The following CHST10 variants were observed in gnomAD, a reference collection of about 807,000 sequenced individuals.
The protein encoded by CHST10 is HNK-1 sulfotransferase.
CHST10 carries 24 observed loss-of-function variants against 34.7 expected under a neutral mutation model. The ratio of observed to expected loss-of-function variants is 0.69; its 90% CI spans 0.50 to 0.97. CHST10 has a LOEUF of 0.97. CHST10 is among the 50% of genes least tolerant of loss of function. The probability of loss-of-function intolerance (pLI) is 0.00; values close to 1 mark genes in which losing one functional copy is unlikely to be tolerated. For missense variants in CHST10, 402 were observed against 452.1 expected, an observed-to-expected ratio of 0.89 and a Z score of 1.00; for synonymous variants, 161 against 169.3, an observed-to-expected ratio of 0.95 and a Z score of 0.38.
At chr2:100,406,773 A>ACAAC in intron 2 of CHST10, 66 bp from the exon 3 acceptor site, 1 of 1,327,256 alleles carries the variant, frequency 7.5e-7, no homozygotes, top group Non-Finnish European at 1.0e-6. Context: ...GAGGAATGAA[A>ACAAC]ACGACAGGTG....
rs1324974796 is a variant in CHST10, at chr2:100,406,613, A to G, written c.63T>C (p.Ala21=). Residue 21 remains alanine (A), a synonymous_variant, in exon 3 of 7, where the codon GCT becomes GCC. Transcript: ENST00000264249. The part of the protein sequence containing the change: ...CFWVIFMFMV[A]SKFITLTFKD... ...TAAAGGTCAACGTGATGAACTTGCT[A>G]GCCACCATGAACATGAAAATCACCC... 2 of 1,614,120 alleles carry G rather than the reference A, an allele frequency of 1.2e-6. No homozygotes were observed. The highest frequency in any genetic ancestry group is 1.3e-5 in the African/African-American group (1 of 74,932).
chr2:100,416,688 AAACAACAAC>A (rs140248946), intron 1 of CHST10: 3 of 324,598 alleles, frequency 9.2e-6, no homozygotes, highest in East Asian at 1.5e-4. Flanking sequence ...TTTTCAGACA[AAACAACAAC>A]AACAACAACA....
In CHST10 at chr2:100,415,062, ATTTCCTTGCTGTG is replaced by A. The variant is rs773405595; in HGVS notation, c.-67_-55del. 5.8e-5 allele frequency: 75 copies of A among 1,303,458 alleles called. No homozygotes were observed. The highest frequency in any genetic ancestry group is 7.2e-5 in the Non-Finnish European group (71 of 988,644). 80.7% of individuals were successfully genotyped at this position (1,303,458 alleles called of 1,614,324 possible). ...GTACCTTCTGCAGCCTGGGGCTCACATTTCCTTGCTGTGTTTCCCCTGAACTGAGGTTCTTGGT... is the reference window on the plus strand; with the variant it reads ...GTACCTTCTGCAGCCTGGGGCTCACATTTCCCCTGAACTGAGGTTCTTGGT... On this transcript the variant is annotated 5_prime_UTR_variant, in exon 2 of 7. In the 5' UTR this introduces an upstream ATG that the reference lacks. Coordinates refer to ENST00000264249, the MANE Select transcript of CHST10 (RefSeq NM_004854.5).
At chr2:100,408,301 C>T (rs1306409024) in intron 2 of CHST10, 1 of 152,184 alleles carries the variant, frequency 6.6e-6, no homozygotes, top group Non-Finnish European at 1.5e-5. Context: ...TGTCCTGTCT[C>T]CTGTCTCCAT....
Position 100,413,384 on chromosome 2 carries a change from T to G in CHST10, c.-33+1657A>C, listed in dbSNP as rs543302523. Among the ~76,000 whole-genome samples, 10 of 152,258 alleles carry G rather than the reference T, an allele frequency of 6.6e-5. No individual in the cohort carries two copies. The East Asian group carries it at 1.9e-3, about 29-fold the overall frequency. On this transcript the variant is annotated intron_variant, in intron 2 of 6. Transcript: ENST00000264249. Reference sequence around the variant, plus strand: ...TCAGAGCTTTCCTACTTCCAGTCATTAAATGGGATTTTCACAAGTCAAGAT... The same window carrying G: ...TCAGAGCTTTCCTACTTCCAGTCATGAAATGGGATTTTCACAAGTCAAGAT...
intron 6 of CHST10, among the ~76,000 whole-genome samples, chr2:100,395,074 G>T (rs549272816): frequency 2.6e-5 from 4 of 152,262 alleles, no homozygotes; most frequent in African/African-American, 7.2e-5. Flanking sequence ...GCCCATGCTG[G>T]ATGCAGCCCA....
rs1166614875 is a variant in CHST10, at chr2:100,393,194, C to G, written c.*51G>C. 1 of 1,575,344 alleles carries G rather than the reference C, an allele frequency of 6.3e-7. No homozygotes were observed. The highest frequency in any genetic ancestry group is 1.7e-5 in the Admixed American group (1 of 57,664). On this transcript the variant is annotated 3_prime_UTR_variant, in exon 7 of 7. Transcript: ENST00000264249. ...GTCATTTCTGGGCTCAGATCTTCAC[C>G]TGGTTAGCCCCAGGTCTAATAAAGA...
chr2:100,404,537 C>A lies in CHST10; in HGVS notation c.101-1882G>T, dbSNP rs1420965154. On this transcript the variant is annotated intron_variant, in intron 3 of 6. Transcript: ENST00000264249. ...ACTCCTTTTCTCCGCTTCACAAAAC[C>A]CTGTTCTGCGCCTACACTTGCTTTT... Among the ~76,000 whole-genome samples the A allele has an allele frequency of 2.6e-5, 4 of 152,212 alleles. No individual in the cohort carries two copies. In the East Asian group the frequency reaches 7.7e-4, roughly 29 times the overall value.
At chr2:100,408,787 G>A (rs1018329967) in intron 2 of CHST10, 2 of 152,082 alleles carry the variant, frequency 1.3e-5, no homozygotes, top group Non-Finnish European at 2.9e-5. Flanking sequence ...AGTCCACTGA[G>A]CTCAGCCCTC....
chr2:100,415,757 C>T (rs75446912), intron 1 of CHST10: 4,838 of 152,356 alleles, frequency 0.032, 117 homozygotes, highest in Non-Finnish European at 0.053. Context: ...TCATTCATCA[C>T]TTAACAATAG....
chr2:100,416,994 C>T (rs1489893002), intron 1 of CHST10: 3 of 1,304,204 alleles, frequency 2.3e-6, no homozygotes, highest in Non-Finnish European at 3.0e-6. Flanking sequence ...CGCACCGAAG[C>T]TGCACATGCT....
intron 3 of CHST10, 70 bp from the exon 4 acceptor site, chr2:100,402,725 G>A: frequency 1.5e-6 from 2 of 1,345,006 alleles, no homozygotes; most frequent in South Asian, 1.2e-5. Flanking sequence ...ACAGAACAGA[G>A]GCCCCAGAAA....
At chr2:100,411,969 C>A (rs1675862355) in intron 2 of CHST10, among the ~76,000 whole-genome samples, 1 of 152,194 alleles carries the variant, frequency 6.6e-6, no homozygotes, top group Non-Finnish European at 1.5e-5. Flanking sequence ...GGGGCACAGG[C>A]TGAGGCAGAT....
At chr2:100,410,019 A>C (rs1334428911) in intron 2 of CHST10, among the ~76,000 whole-genome samples, 1 of 152,094 alleles carries the variant, frequency 6.6e-6, no homozygotes, top group Non-Finnish European at 1.5e-5. Flanking sequence ...GGATTTGCAA[A>C]GCTTCAGGGG....
chr2:100,394,673 C>A (rs1481370306), intron 6 of CHST10, among the ~76,000 whole-genome samples: 2 of 152,080 alleles, frequency 1.3e-5, no homozygotes, highest in East Asian at 3.9e-4. Flanking sequence ...CCTGGGCCAC[C>A]TGAGAGCTAC....
chr2:100,403,881 G>T (rs1282293160), intron 3 of CHST10, among the ~76,000 whole-genome samples: 1 of 152,212 alleles, frequency 6.6e-6, no homozygotes, highest in East Asian at 1.9e-4. Flanking sequence ...TTCCTGTGCT[G>T]CCCAAGATCC....
intron 3 of CHST10, among the ~76,000 whole-genome samples, chr2:100,406,270 C>T (rs1205105563): frequency 2.0e-5 from 3 of 151,324 alleles, no homozygotes; most frequent in Admixed American, 6.5e-5. Context: ...TGCTGCAAGG[C>T]ATAAGGCCAC....
At chr2:100,413,761 C>T (rs1056277139) in intron 2 of CHST10, among the ~76,000 whole-genome samples, 4 of 152,198 alleles carry the variant, frequency 2.6e-5, no homozygotes, top group African/African-American at 7.2e-5. Context: ...AAGCACAGCG[C>T]CTTTCTTACT....
At chr2:100,407,359 C>T (rs1010615026) in intron 2 of CHST10, among the ~76,000 whole-genome samples, 9 of 152,208 alleles carry the variant, frequency 5.9e-5, no homozygotes, top group African/African-American at 1.9e-4. Flanking sequence ...GGCACAGAAG[C>T]CACACTCTCC....
Sources: gnomAD v4.1 joint callset for allele counts (sites outside exome capture counted in the v4.1 genomes callset) on GRCh38, gnomAD v4.1.1 for gene constraint, MANE v1.5 for transcripts, NCBI Gene and HGNC (gene_info 2026-07-23, HGNC 2026-07-21) for gene names.